The following HTR1F variants were observed in gnomAD, a reference collection of about 807,000 sequenced individuals.
HTR1F encodes 5-hydroxytryptamine receptor 1F, also known as 5-hydroxytryptamine (serotonin) receptor 1F, G protein-coupled.
Under a neutral mutation model 24.0 loss-of-function variants are expected in HTR1F, and 17 were observed. The ratio of observed to expected loss-of-function variants is 0.71; its 90% CI spans 0.48 to 1.06. The LOEUF is 1.06. HTR1F is among the 50% of genes least tolerant of loss of function. The pLI, the probability that HTR1F is intolerant of heterozygous loss-of-function variation, is 0.00. For missense variants in HTR1F, 391 were observed against 427.8 expected (o/e 0.91, Z 0.76); for synonymous variants, 186 against 156.8 (o/e 1.19, Z -1.39).
intron 2 of HTR1F, among the ~76,000 whole-genome samples, chr3:87,932,369 A>G (rs1392393777): frequency 1.3e-5 from 2 of 151,958 alleles, no homozygotes; most frequent in East Asian, 3.9e-4. Flanking sequence ...ATGCAGCGTT[A>G]TTTCTGAGGG....
intron 1 of HTR1F, among the ~76,000 whole-genome samples, chr3:87,810,975 T>C (rs1704150962): frequency 1.3e-5 from 2 of 152,232 alleles, no homozygotes; most frequent in Non-Finnish European, 2.9e-5. Context: ...TAAAACTTTC[T>C]ATTGCTATTC....
At chr3:87,868,344 A>G (rs1475796122) in intron 2 of HTR1F, among the ~76,000 whole-genome samples, 1 of 152,034 alleles carries the variant, frequency 6.6e-6, no homozygotes, top group African/African-American at 2.4e-5. Context: ...TCTCTGATTG[A>G]AATTTGAATT....
At chr3:87,953,903 G>C (rs112748490) in intron 2 of HTR1F, among the ~76,000 whole-genome samples, 1 of 151,796 alleles carries the variant, frequency 6.6e-6, no homozygotes, top group South Asian at 2.1e-4. Flanking sequence ...TGAAAATAGC[G>C]GTCATTATGG....
intron 2 of HTR1F, among the ~76,000 whole-genome samples, chr3:87,963,424 T>C (rs1252874479): frequency 2.0e-5 from 3 of 152,158 alleles, no homozygotes; most frequent in Admixed American, 2.0e-4. Flanking sequence ...CCTAATTGCC[T>C]AAACATGAAG....
intron 1 of HTR1F, among the ~76,000 whole-genome samples, chr3:87,809,748 A>C (rs57844811): frequency 0.27 from 40,900 of 151,782 alleles, 5,812 homozygotes; most frequent in East Asian, 0.45. Context: ...ATGGTGTTTG[A>C]TTTGGGGGCA....
chr3:87,992,228 G>A lies in HTR1F; in HGVS notation c.*378G>A, dbSNP rs1705854318. On this transcript the variant is annotated 3_prime_UTR_variant, in exon 3 of 3. Coordinates refer to ENST00000319595, the MANE Select transcript of HTR1F (RefSeq NM_001322209.2). ...TACCTCCCTCCATAATTTCTATCTA[G>A]TCCTACTGTTTTATAATATAATTCT... 1 of 167,794 alleles carries A rather than the reference G, an allele frequency of 6.0e-6. No individual in the cohort carries two copies. Among genetic ancestry groups the A allele is most frequent in the South Asian group, 2.1e-4 (1 of 4,838 alleles). The allele number at this position is 167,794 out of a possible 1,614,324, so 10.4% of individuals were successfully genotyped here.
chr3:87,991,494 A>G lies in HTR1F; in HGVS notation c.745A>G (p.Lys249Glu). 11 of 1,614,150 alleles carry G rather than the reference A, an allele frequency of 6.8e-6. No homozygotes were observed. Among genetic ancestry groups the G allele is most frequent in the Non-Finnish European group, 9.3e-6 (11 of 1,180,022 alleles). The change falls in exon 3 of 3, where the codon AAG becomes GAG. Residue 249 changes from lysine (K) to glutamate (E), a missense_variant. Coordinates refer to ENST00000319595, the MANE Select transcript of HTR1F (RefSeq NM_001322209.2). ...KSVSTSYVLEKSLSDPSTDFD... is the reference protein window; with the variant it reads ...KSVSTSYVLEESLSDPSTDFD... ...AGTTTCCACATCCTATGTACTAGAA[A>G]AGTCTTTATCTGACCCATCAACAGA...
chr3:87,827,000 A>G (rs190752792), intron 2 of HTR1F, among the ~76,000 whole-genome samples: 1 of 152,134 alleles, frequency 6.6e-6, no homozygotes, highest in East Asian at 1.9e-4. Flanking sequence ...TTGTAGAGAC[A>G]GGCTTTCGCC....
rs145380285 is a variant in HTR1F at position 87,812,074 on chromosome 3, A to T, written c.-159-9934A>T. ...CCATGCAGAACTGTGAGTCAATTAA[A>T]CCTATAAATTACCCAGTCTTGGGCA... On this transcript the variant is annotated intron_variant, in intron 1 of 2. Coordinates refer to ENST00000319595, the MANE Select transcript of HTR1F (RefSeq NM_001322209.2). 1.8e-3 allele frequency among the ~76,000 whole-genome samples: 270 copies of T among 152,198 alleles called. 2 individuals are homozygous for T. The highest frequency in any genetic ancestry group is 6.0e-3 in the African/African-American group (250 of 41,520).
At chr3:87,920,163 C>A (rs1191582450) in intron 2 of HTR1F, among the ~76,000 whole-genome samples, 1 of 151,666 alleles carries the variant, frequency 6.6e-6, no homozygotes, top group Non-Finnish European at 1.5e-5. Context: ...GAAAAGCAAA[C>A]ATCCTACATT....
intron 1 of HTR1F, among the ~76,000 whole-genome samples, chr3:87,805,415 A>G (rs904890250): frequency 3.9e-5 from 6 of 152,128 alleles, no homozygotes; most frequent in Non-Finnish European, 7.4e-5. Flanking sequence ...ATGTTTGTCA[A>G]TAAGTTTTAT....
intron 2 of HTR1F, among the ~76,000 whole-genome samples, chr3:87,828,494 A>G (rs1704509289): frequency 6.6e-6 from 1 of 152,220 alleles, no homozygotes; most frequent in Non-Finnish European, 1.5e-5. Context: ...CTTTGTTCCC[A>G]ATGAGCTCTT....
At chr3:87,942,784 G>C (rs955981645) in intron 2 of HTR1F, among the ~76,000 whole-genome samples, 3 of 150,588 alleles carry the variant, frequency 2.0e-5, no homozygotes, top group Admixed American at 6.6e-5. Flanking sequence ...TGCTCCTCCT[G>C]ATCTCTATTA....
intron 2 of HTR1F, among the ~76,000 whole-genome samples, chr3:87,857,951 T>G (rs1430284574): frequency 6.6e-6 from 1 of 152,180 alleles, no homozygotes; most frequent in Non-Finnish European, 1.5e-5. Context: ...TCAACTAAAT[T>G]GCTTCAGTAT....
intron 2 of HTR1F, among the ~76,000 whole-genome samples, chr3:87,959,135 A>T (rs1273365392): frequency 6.6e-6 from 1 of 151,800 alleles, no homozygotes; most frequent in East Asian, 1.9e-4. Context: ...TCAAGCAGAA[A>T]ATATTACCAT....
At chr3:87,988,734 A>AT (rs764903165) in intron 2 of HTR1F, among the ~76,000 whole-genome samples, 1,765 of 143,182 alleles carry the variant, frequency 0.012, 22 homozygotes, top group African/African-American at 0.017. Flanking sequence ...AAGCCCCAAT[A>AT]ATTTTTTTTT....
chr3:87,896,846 G>A (rs992023325), intron 2 of HTR1F, among the ~76,000 whole-genome samples: 2 of 152,080 alleles, frequency 1.3e-5, no homozygotes, highest in African/African-American at 2.4e-5. Flanking sequence ...CATCAGGAAA[G>A]CATAAATCAA....
chr3:87,810,759 G>C (rs889544676), intron 1 of HTR1F, among the ~76,000 whole-genome samples: 1 of 152,086 alleles, frequency 6.6e-6, no homozygotes, highest in African/African-American at 2.4e-5. Context: ...TATGAACTCA[G>C]GTAGATGAGG....
At chr3:87,982,510 A>G (rs1164630638) in intron 2 of HTR1F, among the ~76,000 whole-genome samples, 2 of 152,158 alleles carry the variant, frequency 1.3e-5, no homozygotes, top group South Asian at 2.1e-4. Context: ...CTCAAAATGA[A>G]AAGACTTTCT....
Sources: allele counts gnomAD v4.1 joint callset (sites outside exome capture counted in the v4.1 genomes callset), GRCh38; gene constraint gnomAD v4.1.1; transcripts MANE v1.5; gene names NCBI Gene and HGNC (gene_info 2026-07-23, HGNC 2026-07-21).